Variants in AKNA observed in about 807,000 individuals in gnomAD.
The protein encoded by AKNA is microtubule organization protein AKNA.
Under a neutral mutation model 138.8 loss-of-function variants are expected in AKNA, and 67 were observed. The ratio of observed to expected loss-of-function variants is 0.48; its 90% confidence interval spans 0.40 to 0.59. AKNA has a LOEUF of 0.59. AKNA is among the 20% of genes least tolerant of loss of function. The pLI, the probability that AKNA is intolerant of heterozygous loss-of-function variation, is 0.00. For synonymous variants in AKNA, 737 were observed against 754.4 expected (o/e 0.98, Z 0.38); for missense variants, 1,813 against 1,880.4 (o/e 0.96, Z 0.66).
rs1049408008 is a variant in AKNA at position 114,336,138 on chromosome 9, A to T, written c.*916T>A. 7.9e-5 allele frequency: 12 copies of T among 152,458 alleles called. No individual in the cohort carries two copies. Among genetic ancestry groups the T allele is most frequent in the African/African-American group, 2.9e-4 (12 of 41,404 alleles). The allele number at this position is 152,458 out of a possible 1,614,324, so 9.4% of individuals were successfully genotyped here. A position where few individuals can be genotyped will look rare whatever the true frequency, so the allele number is the denominator to read the frequency against. ...AGCAGAGACACGGATGGCTTTGGGTATTTTTTTTGTCTTCTTTTCTTTTTT... is the reference window on the plus strand; with the variant it reads ...AGCAGAGACACGGATGGCTTTGGGTTTTTTTTTTGTCTTCTTTTCTTTTTT... On this transcript the variant is annotated 3_prime_UTR_variant, in exon 22 of 22. Coordinates refer to ENST00000374088, the MANE Select transcript of AKNA (RefSeq NM_001317950.2).
In AKNA at chr9:114,367,630, A is replaced by C; in HGVS notation, c.1641T>G (p.Leu547=). Reference sequence around the variant, plus strand: ...CCTCAGAGATGTCCCGGTTCTCCGGAAGCCACCCCAGGGTGGGCATGCTGG... The same window carrying C: ...CCTCAGAGATGTCCCGGTTCTCCGGCAGCCACCCCAGGGTGGGCATGCTGG... ...SLTSMPTLGW[L]PENRDISEDQ... is the part of the protein sequence containing the mutation. Residue 547 remains leucine, a synonymous_variant, in exon 6 of 22, where the codon CTT becomes CTG. Coordinates refer to ENST00000374088, the MANE Select transcript of AKNA (RefSeq NM_001317950.2). 1 of 1,605,778 alleles carries C rather than the reference A, an allele frequency of 6.2e-7. No individual in the cohort carries two copies. The highest frequency in any genetic ancestry group is 1.1e-5 in the South Asian group (1 of 90,894).
At chr9:114,347,128 G>A (rs1040835830) in intron 16 of AKNA, among the ~76,000 whole-genome samples, 8 of 152,296 alleles carry the variant, frequency 5.3e-5, no homozygotes, top group South Asian at 2.1e-4. Flanking sequence ...AACAAACACC[G>A]AATTAATGGG....
At chr9:114,395,408 C>T (rs1834502295), upstream of AKNA, among the ~76,000 whole-genome samples, 3 of 152,056 alleles carry the variant, frequency 2.0e-5, no homozygotes. Flanking sequence ...AGGGCACCAT[C>T]CTGTCAGGTT....
At chr9:114,370,607 G>C (rs1307346589) in intron 4 of AKNA, among the ~76,000 whole-genome samples, 4 of 151,998 alleles carry the variant, frequency 2.6e-5, no homozygotes, top group African/African-American at 7.2e-5. Context: ...GACACAGCCA[G>C]GGTGTCCCGG....
Position 114,385,499 on chromosome 9 carries a change from C to T in AKNA, c.-114+2361G>A, listed in dbSNP as rs533068727. Among the ~76,000 whole-genome samples the T allele has an allele frequency of 2.2e-4, 33 of 152,262 alleles. No homozygotes were observed. The South Asian group carries it at 5.8e-3, about 27-fold the overall frequency. On this transcript the variant is annotated intron_variant, in intron 1 of 21. Coordinates refer to ENST00000374088, the MANE Select transcript of AKNA (RefSeq NM_001317950.2). ...TGAGGAAGGGGCCGGGGGAGGTGTG[C>T]GGTTTTTTGACTTTTTAAAGGGCTT...
At position 114,369,695 on chromosome 9, in the gene AKNA, T is replaced by A. The variant is rs535424147; in HGVS notation, c.1417-1100A>T. Among the ~76,000 whole-genome samples, 22 of 150,460 alleles carry A rather than the reference T, an allele frequency of 1.5e-4. No homozygotes were observed. In the South Asian group the frequency reaches 4.4e-3, roughly 30 times the overall value. On this transcript the variant is annotated intron_variant, in intron 4 of 21. Transcript: ENST00000374088. ...ATCACCATCAGCATCACCATCAGCA[T>A]CATCACCATCAGCATCATCACCACC...
intron 2 of AKNA, among the ~76,000 whole-genome samples, chr9:114,378,212 T>G (rs141167736): frequency 2.2e-4 from 33 of 152,320 alleles, no homozygotes; most frequent in African/African-American, 7.5e-4. Context: ...GCTACGCATG[T>G]GCGCATCCCT....
chr9:114,342,464 G>A (rs1830421117), intron 19 of AKNA, among the ~76,000 whole-genome samples: 1 of 152,174 alleles, frequency 6.6e-6, no homozygotes, highest in Non-Finnish European at 1.5e-5. Flanking sequence ...GGAAGCAGTG[G>A]TCCTTGGATC....
At chr9:114,361,973 G>T in intron 8 of AKNA, 62 bp from the exon 9 acceptor site, 1 of 1,555,206 alleles carries the variant, frequency 6.4e-7, no homozygotes, top group Non-Finnish European at 8.7e-7. Context: ...GCAGGTCCAG[G>T]AACAGAGTAT....
intron 21 of AKNA, among the ~76,000 whole-genome samples, chr9:114,339,971 C>G (rs1231180216): frequency 6.6e-6 from 1 of 152,152 alleles, no homozygotes; most frequent in African/African-American, 2.4e-5. Flanking sequence ...TGGTGGCACA[C>G]TATTGTATTC....
chr9:114,347,376 C>T (rs931027819), intron 16 of AKNA, among the ~76,000 whole-genome samples: 2 of 152,068 alleles, frequency 1.3e-5, no homozygotes, highest in Non-Finnish European at 2.9e-5. Context: ...CACACCACCA[C>T]GCCCAGCTAA....
chr9:114,337,712 C>T (rs901689415), intron 21 of AKNA, among the ~76,000 whole-genome samples: 1 of 152,052 alleles, frequency 6.6e-6, no homozygotes, highest in Non-Finnish European at 1.5e-5. Context: ...AGCAAAACCC[C>T]CTCATGGAAG....
intron 2 of AKNA, among the ~76,000 whole-genome samples, chr9:114,380,086 G>A (rs1359464563): frequency 6.6e-6 from 1 of 152,076 alleles, no homozygotes; most frequent in Non-Finnish European, 1.5e-5. Flanking sequence ...GAAAGGTCGA[G>A]GCTGCAGTGA....
At chr9:114,357,500 G>A (rs772576886) in intron 12 of AKNA, among the ~76,000 whole-genome samples, 7 of 148,100 alleles carry the variant, frequency 4.7e-5, no homozygotes, top group African/African-American at 1.0e-4. Context: ...CCATGGGCTC[G>A]TTAGGACTAC....
At chr9:114,380,305 G>A (rs1305067919) in intron 2 of AKNA, among the ~76,000 whole-genome samples, 7 of 152,078 alleles carry the variant, frequency 4.6e-5, no homozygotes, top group Admixed American at 2.0e-4. Flanking sequence ...CTACTAAAAC[G>A]CCCAGCAGTA....
Position 114,356,914 on chromosome 9 carries a change from C to T in AKNA, c.2795G>A (p.Ser932Asn). 6.4e-7 allele frequency: 1 copy of T among 1,570,926 alleles called. No individual in the cohort carries two copies. The highest frequency in any genetic ancestry group is 8.6e-7 in the Non-Finnish European group (1 of 1,163,178). The change falls in exon 13 of 22, where the codon AGC becomes AAC. Residue 932 changes from serine to asparagine, a missense_variant. Coordinates refer to ENST00000374088, the MANE Select transcript of AKNA (RefSeq NM_001317950.2). ...AGTCTGGGTGAGGGGTGAAACTCTG[C>T]TTGTTTCTGAGCCCACAAAGCCACT... is the stretch of plus-strand genomic sequence containing the variant. The part of the protein sequence containing the change: ...TDSGFVGSET[S>N]RVSPLTQTPE...
chr9:114,396,804 G>C (rs1182528048), upstream of AKNA: 1 of 152,194 alleles, frequency 6.6e-6, no homozygotes, highest in African/African-American at 2.4e-5. Flanking sequence ...TCTTACTCCT[G>C]GTCTCCAGAT....
intron 6 of AKNA, among the ~76,000 whole-genome samples, chr9:114,366,033 C>T (rs146876725): frequency 0.012 from 1,871 of 152,292 alleles, 27 homozygotes; most frequent in African/African-American, 0.043. Flanking sequence ...AATCCCAGCA[C>T]TTTGGGAGGC....
intron 4 of AKNA, among the ~76,000 whole-genome samples, chr9:114,370,775 G>A (rs140725665): frequency 3.6e-4 from 55 of 152,278 alleles, no homozygotes; most frequent in African/African-American, 1.1e-3. Flanking sequence ...ATGCTAATGG[G>A]CTTTATGAAT....
Sources: gnomAD v4.1 joint callset for allele counts (sites outside exome capture counted in the v4.1 genomes callset) on GRCh38, gnomAD v4.1.1 for gene constraint, MANE v1.5 for transcripts, NCBI Gene and HGNC (gene_info 2026-07-23, HGNC 2026-07-21) for gene names.